Variants in TSPAN15 observed in about 807,000 individuals in gnomAD.
The protein encoded by TSPAN15 is tetraspanin 15, also known as tetraspanin-15.
Under a neutral mutation model 34.5 loss-of-function variants are expected in TSPAN15, and 20 were observed. The observed-to-expected ratio is 0.58, with a 90% CI of 0.41 to 0.84. The LOEUF (loss-of-function observed/expected upper bound fraction) is 0.84, where lower values mean the gene tolerates loss of function less well. Ranked by LOEUF, TSPAN15 falls within the 40% of genes least tolerant of loss-of-function variation. The pLI is 0.00. For synonymous variants in TSPAN15, 155 were observed against 153.9 expected, an observed-to-expected ratio of 1.01 and a Z score of -0.05; for missense variants, 313 against 386.1, an observed-to-expected ratio of 0.81 and a Z score of 1.59.
chr10:69,483,542 AAC>A (rs1245902320), intron 1 of TSPAN15, 147 bp from the exon 2 acceptor site: 4 of 776,458 alleles, frequency 5.2e-6, no homozygotes, highest in South Asian at 2.3e-5. Flanking sequence ...AATTTGGGGA[AAC>A]ACAGTTCAGC....
intron 3 of TSPAN15, among the ~76,000 whole-genome samples, chr10:69,490,641 A>C (rs1841948361): frequency 6.6e-6 from 1 of 152,216 alleles, no homozygotes; most frequent in African/African-American, 2.4e-5. Context: ...GAATTGCTTC[A>C]ACCCAGGAGG....
At chr10:69,461,332 A>C (rs1012613097) in intron 1 of TSPAN15, among the ~76,000 whole-genome samples, 1 of 152,236 alleles carries the variant, frequency 6.6e-6, no homozygotes, top group Non-Finnish European at 1.5e-5. Flanking sequence ...CTTTCTCGCC[A>C]AGACATTTGC....
At chr10:69,511,156 A>G (rs1842410921), downstream of TSPAN15, among the ~76,000 whole-genome samples, 1 of 152,222 alleles carries the variant, frequency 6.6e-6, no homozygotes, top group South Asian at 2.1e-4. Context: ...GAATGGTACC[A>G]GTTCCTCTTT....
At chr10:69,530,548 G>A in the TSPAN15 span, among the ~76,000 whole-genome samples, 30,716 of 145,996 alleles carry the variant, frequency 0.21, 5,547 homozygotes, top group East Asian at 0.5. Context: ...GCTCACGCCT[G>A]TAATCCCAGC....
the TSPAN15 span, among the ~76,000 whole-genome samples, chr10:69,516,620 G>C: frequency 6.6e-6 from 1 of 152,206 alleles, no homozygotes; most frequent in African/African-American, 2.4e-5. Flanking sequence ...TCTCTGTGAG[G>C]AGGACATGGG....
At chr10:69,490,985 C>T (rs545340134) in intron 3 of TSPAN15, among the ~76,000 whole-genome samples, 24 of 152,346 alleles carry the variant, frequency 1.6e-4, no homozygotes, top group African/African-American at 5.5e-4. Flanking sequence ...GAGTGCTTCT[C>T]GCTGGTTTGG....
chr10:69,519,833 A>G, the TSPAN15 span, among the ~76,000 whole-genome samples: 1 of 152,146 alleles, frequency 6.6e-6, no homozygotes. Context: ...CCCGGGTTCA[A>G]TCAATTCTCC....
At chr10:69,516,217 C>G in the TSPAN15 span, among the ~76,000 whole-genome samples, 1 of 152,310 alleles carries the variant, frequency 6.6e-6, no homozygotes, top group African/African-American at 2.4e-5. Context: ...AGCAAAAAGG[C>G]AGGGCCTTTA....
chr10:69,478,961 A>G (rs897534497), intron 1 of TSPAN15, among the ~76,000 whole-genome samples: 9 of 152,212 alleles, frequency 5.9e-5, no homozygotes, highest in African/African-American at 1.2e-4. Context: ...CACATCCCAC[A>G]TGGAAGGGAT....
chr10:69,540,528 C>T, the TSPAN15 span, among the ~76,000 whole-genome samples: 31 of 152,162 alleles, frequency 2.0e-4, no homozygotes, highest in East Asian at 5.3e-3. Flanking sequence ...CCATGAATTA[C>T]GAGATGAGGT....
intron 1 of TSPAN15, among the ~76,000 whole-genome samples, chr10:69,459,712 G>A (rs983043110): frequency 2.6e-5 from 4 of 152,128 alleles, no homozygotes; most frequent in Non-Finnish European, 4.4e-5. Flanking sequence ...TTCATTGTCA[G>A]GCCCTGTGGT....
chr10:69,545,848 C>A, the TSPAN15 span, among the ~76,000 whole-genome samples: 4 of 151,944 alleles, frequency 2.6e-5, no homozygotes, highest in Admixed American at 2.0e-4. Flanking sequence ...CCCAGCTACT[C>A]GGGAGGCTGA....
the TSPAN15 span, among the ~76,000 whole-genome samples, chr10:69,532,501 T>C: frequency 6.6e-6 from 1 of 152,198 alleles, no homozygotes; most frequent in South Asian, 2.1e-4. Flanking sequence ...AACTCGACCT[T>C]CATCTCTCAC....
At chr10:69,528,049 G>T in the TSPAN15 span, among the ~76,000 whole-genome samples, 1 of 148,216 alleles carries the variant, frequency 6.7e-6, no homozygotes, top group Non-Finnish European at 1.5e-5. Flanking sequence ...ACTTGGCCTG[G>T]CGCACTGCAC....
chr10:69,490,036 G>A (rs900868700), intron 3 of TSPAN15, among the ~76,000 whole-genome samples: 12 of 152,166 alleles, frequency 7.9e-5, no homozygotes, highest in African/African-American at 7.2e-5. Context: ...GGGCAGTAGC[G>A]GGTGTGTCTA....
At chr10:69,548,398 G>A in the TSPAN15 span, among the ~76,000 whole-genome samples, 2 of 152,224 alleles carry the variant, frequency 1.3e-5, no homozygotes, top group South Asian at 2.1e-4. Flanking sequence ...GCTTCCAGTT[G>A]TAAGGGAAGC....
chr10:69,507,501 C>T lies in TSPAN15; in HGVS notation c.*523C>T, dbSNP rs1842358557. On this transcript the variant is annotated 3_prime_UTR_variant, in exon 8 of 8. Coordinates refer to ENST00000373290, the MANE Select transcript of TSPAN15 (RefSeq NM_012339.5). ...AGCCCTCTTGCAAGGGCGGCTGCTT[C>T]CTTGAGCCTAGTTTTTTTACGTGAT... The T allele has an allele frequency of 2.3e-6, 3 of 1,304,400 alleles. No individual in the cohort carries two copies. Among genetic ancestry groups the T allele is most frequent in the Admixed American group, 2.3e-5 (1 of 43,518 alleles). The allele number at this position is 1,304,400 out of a possible 1,614,324, so 80.8% of individuals were successfully genotyped here.
At chr10:69,493,837 A>C (rs1842021042) in intron 3 of TSPAN15, among the ~76,000 whole-genome samples, 1 of 147,000 alleles carries the variant, frequency 6.8e-6, no homozygotes, top group Non-Finnish European at 1.5e-5. Context: ...CTGGTCTCGA[A>C]CTCCTGACCT....
the TSPAN15 span, among the ~76,000 whole-genome samples, chr10:69,513,430 A>C: frequency 6.6e-6 from 1 of 152,048 alleles, no homozygotes; most frequent in East Asian, 1.9e-4. Flanking sequence ...GCTGCCCTTG[A>C]ACTCCTGGGC....
Sources: gnomAD v4.1 joint callset for allele counts (sites outside exome capture counted in the v4.1 genomes callset) on GRCh38, gnomAD v4.1.1 for gene constraint, MANE v1.5 for transcripts, NCBI Gene and HGNC (gene_info 2026-07-23, HGNC 2026-07-21) for gene names.